Variants in RBFOX3 observed in about 807,000 individuals in gnomAD.
RBFOX3 encodes the protein RNA binding fox-1 homolog 3, also known as RNA binding protein fox-1 homolog 3.
A neutral mutation model predicts 48.7 loss-of-function variants in RBFOX3; 17 were observed. That is an observed-to-expected ratio of 0.35 (90% confidence interval 0.24 to 0.52). The LOEUF is 0.52. Ranked by LOEUF, RBFOX3 falls within the 20% of genes least tolerant of loss-of-function variation. The probability of loss-of-function intolerance (pLI) is 0.94; values close to 1 mark genes in which losing one functional copy is unlikely to be tolerated. For synonymous variants in RBFOX3, 212 were observed against 209.5 expected, an observed-to-expected ratio of 1.01 and a Z score of -0.10; for missense variants, 382 against 497.5, an observed-to-expected ratio of 0.77 and a Z score of 2.21.
At chr17:79,327,867 TG>T (rs1477598772) in intron 2 of RBFOX3, among the ~76,000 whole-genome samples, 1 of 152,200 alleles carries the variant, frequency 6.6e-6, no homozygotes, top group Non-Finnish European at 1.5e-5. Context: ...GGCTAATTTT[TG>T]TACTTTTAGT....
At chr17:79,644,991 A>G in the RBFOX3 span, among the ~76,000 whole-genome samples, 1 of 152,188 alleles carries the variant, frequency 6.6e-6, no homozygotes. Context: ...ACCTGTAGTT[A>G]TCCTCACCTC....
At chr17:79,131,451 G>A (rs551677100) in intron 4 of RBFOX3, among the ~76,000 whole-genome samples, 122 of 152,304 alleles carry the variant, frequency 8.0e-4, no homozygotes, top group African/African-American at 2.7e-3. Flanking sequence ...ACCCCACGGC[G>A]TGAGCCCACC....
chr17:79,654,937 G>A, the RBFOX3 span, among the ~76,000 whole-genome samples: 6 of 152,174 alleles, frequency 3.9e-5, no homozygotes, highest in East Asian at 1.9e-4. Flanking sequence ...CTGACTCCGC[G>A]GAAGGACAGG....
chr17:79,490,280 C>T (rs1008502186), intron 1 of RBFOX3, among the ~76,000 whole-genome samples: 26 of 152,264 alleles, frequency 1.7e-4, no homozygotes, highest in Non-Finnish European at 2.5e-4. Context: ...ACGTATCCAA[C>T]GGGAAAGGGA....
At position 79,554,464 on chromosome 17, in the gene RBFOX3, C is replaced by A. The variant is rs1226531605; in HGVS notation, c.-320+56362G>T. ...TCCATCTTCACTCACAGTCACCCCT[C>A]ACCTGGCCCTCTCCATCTTCACTCA... On this transcript the variant is annotated intron_variant, in intron 1 of 14. Coordinates refer to ENST00000693108, the MANE Select transcript of RBFOX3 (RefSeq NM_001350451.2). Among the ~76,000 whole-genome samples, 13 of 74,396 alleles carry A rather than the reference C, an allele frequency of 1.7e-4. No individual in the cohort carries two copies. In the East Asian group the frequency reaches 4.7e-3, roughly 27 times the overall value. 48.8% of individuals were successfully genotyped at this position (74,396 alleles called of 152,430 possible). A position where few individuals can be genotyped will look rare whatever the true frequency, so the allele number is the denominator to read the frequency against.
At chr17:79,167,067 C>T (rs2048149124) in intron 4 of RBFOX3, among the ~76,000 whole-genome samples, 1 of 152,178 alleles carries the variant, frequency 6.6e-6, no homozygotes, top group South Asian at 2.1e-4. Context: ...GGCACGTCAC[C>T]CCCACGACAG....
At chr17:79,399,630 AT>A (rs1003433367) in intron 2 of RBFOX3, among the ~76,000 whole-genome samples, 14 of 152,262 alleles carry the variant, frequency 9.2e-5, no homozygotes, top group African/African-American at 3.1e-4. Flanking sequence ...AGCAAAAAAA[AT>A]CTACCTTTAA....
At position 79,479,941 on chromosome 17, in the gene RBFOX3, G is replaced by A. The variant is rs1408350356; in HGVS notation, c.-175+2513C>T. ...TCCAGAGACAGAGCATGATCTCAGGGGGTCTCTCGTCCTGCACTGAGGCCA... is the reference window on the plus strand; with the variant it reads ...TCCAGAGACAGAGCATGATCTCAGGAGGTCTCTCGTCCTGCACTGAGGCCA... On this transcript the variant is annotated intron_variant, in intron 2 of 14. Coordinates refer to ENST00000693108, the MANE Select transcript of RBFOX3 (RefSeq NM_001350451.2). This position sits in a 1 kb window ranked among gnomAD's most constrained non-coding sequence, Gnocchi z 5.1. 6.6e-6 allele frequency among the ~76,000 whole-genome samples: 1 copy of A among 152,174 alleles called. No individual in the cohort carries two copies. The highest frequency in any genetic ancestry group is 1.5e-5 in the Non-Finnish European group (1 of 68,034).
intron 2 of RBFOX3, among the ~76,000 whole-genome samples, chr17:79,458,269 G>A (rs1181450059): frequency 6.6e-6 from 1 of 152,188 alleles, no homozygotes; most frequent in Non-Finnish European, 1.5e-5. Context: ...TTTGTTTTTT[G>A]TTGGGAAATA....
At chr17:79,521,884 G>A (rs2086160464) in intron 1 of RBFOX3, among the ~76,000 whole-genome samples, 1 of 152,226 alleles carries the variant, frequency 6.6e-6, no homozygotes, top group Non-Finnish European at 1.5e-5. Context: ...CTAGATAACT[G>A]TGTAGCCTAA....
At chr17:79,164,505 G>A (rs2047605652) in intron 4 of RBFOX3, among the ~76,000 whole-genome samples, 1 of 152,206 alleles carries the variant, frequency 6.6e-6, no homozygotes, top group South Asian at 2.1e-4. Context: ...AGTCTTGGGG[G>A]GAGGTGTTAC....
At chr17:79,450,087 TACAC>T (rs1283151652) in intron 2 of RBFOX3, among the ~76,000 whole-genome samples, 1 of 149,612 alleles carries the variant, frequency 6.7e-6, no homozygotes, top group Non-Finnish European at 1.5e-5. Flanking sequence ...ACACCTGACA[TACAC>T]ACACACACAT....
the RBFOX3 span, among the ~76,000 whole-genome samples, chr17:79,650,204 G>A: frequency 1.3e-5 from 2 of 152,152 alleles, no homozygotes; most frequent in African/African-American, 4.8e-5. Context: ...AAACTGGGGG[G>A]ATTCGATTTT....
chr17:79,147,433 G>A (rs888847883), intron 4 of RBFOX3, among the ~76,000 whole-genome samples: 6 of 152,230 alleles, frequency 3.9e-5, no homozygotes, highest in Admixed American at 2.0e-4. Context: ...CAGTGAGGCC[G>A]CCAGCCTTCC....
At chr17:79,411,009 G>A (rs112594094) in intron 2 of RBFOX3, among the ~76,000 whole-genome samples, 4,263 of 152,240 alleles carry the variant, frequency 0.028, 103 homozygotes, top group African/African-American at 0.067. Flanking sequence ...CAGAGACCCC[G>A]CTTTCTACTT....
chr17:79,271,372 G>T (rs982643599), intron 3 of RBFOX3, among the ~76,000 whole-genome samples: 2 of 152,128 alleles, frequency 1.3e-5, no homozygotes, highest in African/African-American at 4.8e-5. Flanking sequence ...CACCGTGCCC[G>T]GCCTAAAAAT....
intron 4 of RBFOX3, among the ~76,000 whole-genome samples, chr17:79,155,078 C>T (rs527720464): frequency 5.9e-5 from 9 of 152,352 alleles, no homozygotes; most frequent in South Asian, 2.1e-4. Context: ...CTCCCTGCCA[C>T]GGCACGTGAG....
At chr17:79,632,283 G>A in the RBFOX3 span, among the ~76,000 whole-genome samples, 73 of 152,258 alleles carry the variant, frequency 4.8e-4, no homozygotes, top group African/African-American at 1.7e-3. Flanking sequence ...AGGAGGATCC[G>A]TATACAGATG....
In RBFOX3 at chr17:79,481,662, T is replaced by A. The variant is rs1251241983; in HGVS notation, c.-175+792A>T. 6.6e-6 allele frequency among the ~76,000 whole-genome samples: 1 copy of A among 152,142 alleles called. No homozygotes were observed. Among genetic ancestry groups the A allele is most frequent in the Admixed American group, 6.5e-5 (1 of 15,280 alleles). On this transcript the variant is annotated intron_variant, in intron 2 of 14. Coordinates refer to ENST00000693108, the MANE Select transcript of RBFOX3 (RefSeq NM_001350451.2). The surrounding 1 kb of genome is among the most constrained non-coding windows in gnomAD (Gnocchi z 5.4). ...GGGGAGCTTGCGGTTGGTGAACTTG[T>A]GGGTGAACCAGCAGGGTGGTGCATC... is the stretch of plus-strand genomic sequence containing the variant.
Sources: allele counts gnomAD v4.1 joint callset (sites outside exome capture counted in the v4.1 genomes callset), GRCh38; gene constraint gnomAD v4.1.1; non-coding constraint Gnocchi (gnomAD v3.1); transcripts MANE v1.5; gene names NCBI Gene and HGNC (gene_info 2026-07-23, HGNC 2026-07-21).